Variants in URM1 observed in about 807,000 individuals in gnomAD.
The protein encoded by URM1 is ubiquitin-related modifier 1.
URM1 carries 11 observed loss-of-function variants against 17.7 expected under a neutral mutation model. That is an observed-to-expected ratio of 0.62 (90% CI 0.39 to 1.03). URM1 has a LOEUF of 1.03. URM1 is among the 50% of genes least tolerant of loss of function. The pLI is 0.00. For synonymous variants in URM1, 48 were observed against 50.6 expected (o/e 0.95, Z 0.22); for missense variants, 128 against 129.2 (o/e 0.99, Z 0.04).
chr9:128,379,380 G>A (rs1465876342), intron 2 of URM1, among the ~76,000 whole-genome samples: 1 of 152,122 alleles, frequency 6.6e-6, no homozygotes, highest in Non-Finnish European at 1.5e-5. Flanking sequence ...TTGGGAGGCT[G>A]AAGCAGGAGA....
Position 128,390,056 on chromosome 9 carries a change from A to G in URM1, c.*322A>G. 2.4e-6 allele frequency: 1 copy of G among 408,282 alleles called. No homozygotes were observed. The highest frequency in any genetic ancestry group is 3.6e-5 in the South Asian group (1 of 27,914). The allele number at this position is 408,282 out of a possible 1,614,324, so 25.3% of individuals were successfully genotyped here. A position where few individuals can be genotyped will look rare whatever the true frequency, so the allele number is the denominator to read the frequency against. On this transcript the variant is annotated 3_prime_UTR_variant, in exon 5 of 5. Coordinates refer to ENST00000372853, the MANE Select transcript of URM1 (RefSeq NM_030914.4). The stretch of plus-strand genomic sequence containing the variant: ...GACCTGGCTGCCTTCCACTCCTTGT[A>G]CCTCAGTCTAAACATGGAGTGGCCG...
chr9:128,380,644 T>C (rs1564411134), intron 2 of URM1, among the ~76,000 whole-genome samples: 1 of 150,846 alleles, frequency 6.6e-6, no homozygotes, highest in Non-Finnish European at 1.5e-5. Flanking sequence ...CTTTTCTTTT[T>C]TTTTTTTTTG....
rs1045149831 is a variant in URM1 at position 128,388,754 on chromosome 9, G to A, written c.189-507G>A. 4.1e-6 allele frequency: 4 copies of A among 987,088 alleles called. No individual in the cohort carries two copies. The African/African-American group carries it at 5.2e-5, about 13-fold the overall frequency. The allele number at this position is 987,088 out of a possible 1,614,324, so 61.1% of individuals were successfully genotyped here. A position where few individuals can be genotyped will look rare whatever the true frequency, so the allele number is the denominator to read the frequency against. Reference sequence around the variant, plus strand: ...AGCATTGCCATGTGGCATGGCAACTGATTCGGAAGAGGCAAAACAGCCTTC... The same window carrying A: ...AGCATTGCCATGTGGCATGGCAACTAATTCGGAAGAGGCAAAACAGCCTTC... On this transcript the variant is annotated intron_variant, in intron 3 of 4. Transcript: ENST00000372853.
chr9:128,383,512 A>T (rs1224091182), intron 2 of URM1, among the ~76,000 whole-genome samples: 1 of 152,090 alleles, frequency 6.6e-6, no homozygotes, highest in African/African-American at 2.4e-5. Context: ...GACTTAGGGG[A>T]TCCTTTCTTC....
At chr9:128,385,443 A>G (rs1278837288) in intron 2 of URM1, among the ~76,000 whole-genome samples, 1 of 152,080 alleles carries the variant, frequency 6.6e-6, no homozygotes, top group Non-Finnish European at 1.5e-5. Context: ...TAGCTGCTCA[A>G]TAAATATTTT....
At position 128,387,560 on chromosome 9, in the gene URM1, A is replaced by G. The variant is rs1275938247; in HGVS notation, c.107-256A>G. Among the ~76,000 whole-genome samples the G allele has an allele frequency of 1.3e-5, 2 of 152,172 alleles. No homozygotes were observed. The highest frequency in any genetic ancestry group is 2.1e-4 in the South Asian group (1 of 4,828). ...TGCCTTGAATCCCCCCACTATAGGTAAATCCCATTGCCTCTTCTCCAGGAC... is the reference window on the plus strand; with the variant it reads ...TGCCTTGAATCCCCCCACTATAGGTGAATCCCATTGCCTCTTCTCCAGGAC... On this transcript the variant is annotated intron_variant, in intron 2 of 4. Transcript: ENST00000372853. This position sits in a 1 kb window ranked among gnomAD's most constrained non-coding sequence, Gnocchi z 4.3.
In URM1 at chr9:128,389,822, C is replaced by A; in HGVS notation, c.*88C>A. 26 of 1,562,674 alleles carry A rather than the reference C, an allele frequency of 1.7e-5. No homozygotes were observed. Among genetic ancestry groups the A allele is most frequent in the Non-Finnish European group, 2.3e-5 (26 of 1,145,684 alleles). ...GGCCCTGCTTCCAGGTCTCCCTGTC[C>A]CCCTTGCCTGCCTTCTTCCCTGCTC... is the stretch of plus-strand genomic sequence containing the variant. On this transcript the variant is annotated 3_prime_UTR_variant, in exon 5 of 5. Transcript: ENST00000372853.
At chr9:128,377,774 C>G (rs913688468) in intron 1 of URM1, among the ~76,000 whole-genome samples, 3 of 152,206 alleles carry the variant, frequency 2.0e-5, no homozygotes, top group African/African-American at 7.2e-5. Context: ...ACAGGAAGGT[C>G]TCTTGAACCC....
intron 2 of URM1, among the ~76,000 whole-genome samples, chr9:128,379,685 G>T (rs1165982012): frequency 6.6e-6 from 1 of 151,206 alleles, no homozygotes; most frequent in Non-Finnish European, 1.5e-5. Flanking sequence ...CTGTAATCCC[G>T]GCTACTCTGG....
intron 2 of URM1, among the ~76,000 whole-genome samples, chr9:128,384,327 C>T (rs996585753): frequency 1.3e-5 from 2 of 152,304 alleles, no homozygotes; most frequent in African/African-American, 2.4e-5. Context: ...GCTGTGTGCC[C>T]GGGGGCAGCC....
Position 128,387,376 on chromosome 9 carries a change from G to A in URM1, c.107-440G>A, listed in dbSNP as rs560454385. On this transcript the variant is annotated intron_variant, in intron 2 of 4. Transcript: ENST00000372853. The surrounding 1 kb of genome is among the most constrained non-coding windows in gnomAD (Gnocchi z 4.3). ...TGCAGACCCCTCCAAGAGCAAAGCCGAATCCTCCCCATCTGCGACTGGCTG... is the reference window on the plus strand; with the variant it reads ...TGCAGACCCCTCCAAGAGCAAAGCCAAATCCTCCCCATCTGCGACTGGCTG... Among the ~76,000 whole-genome samples the A allele has an allele frequency of 2.0e-5, 3 of 152,340 alleles. No individual in the cohort carries two copies. Among genetic ancestry groups the A allele is most frequent in the East Asian group, 1.9e-4 (1 of 5,190 alleles).
intron 4 of URM1, 145 bp downstream of exon 4, chr9:128,389,454 C>T: frequency 1.9e-6 from 3 of 1,574,416 alleles, no homozygotes; most frequent in South Asian, 1.1e-5. Flanking sequence ...GCTGGAGTCT[C>T]CCACTCCAGG....
chr9:128,372,598 A>T (rs1397995229), intron 1 of URM1, among the ~76,000 whole-genome samples: 1 of 152,140 alleles, frequency 6.6e-6, no homozygotes, highest in Non-Finnish European at 1.5e-5. Flanking sequence ...AGTGCATTTT[A>T]ATTGATATTG....
intron 1 of URM1, 105 bp downstream of exon 1, chr9:128,371,520 C>T: frequency 8.4e-7 from 1 of 1,192,250 alleles, no homozygotes. Context: ...ACTGGGTGTC[C>T]CAGTGCCCGC....
chr9:128,389,905 T>A lies in URM1; in HGVS notation c.*171T>A. ...AGGCCAGGTGCTAAAAATGAGCCTT[T>A]CTCAAGCACGTGAGCAGCGGAAGGC... On this transcript the variant is annotated 3_prime_UTR_variant, in exon 5 of 5. Coordinates refer to ENST00000372853, the MANE Select transcript of URM1 (RefSeq NM_030914.4). The A allele has an allele frequency of 1.1e-6, 1 of 870,674 alleles. No individual in the cohort carries two copies. Among genetic ancestry groups the A allele is most frequent in the Non-Finnish European group, 1.7e-6 (1 of 583,434 alleles). 53.9% of individuals were successfully genotyped at this position (870,674 alleles called of 1,614,324 possible). A position where few individuals can be genotyped will look rare whatever the true frequency, so the allele number is the denominator to read the frequency against.
At chr9:128,375,180 T>C (rs12336995) in intron 1 of URM1, among the ~76,000 whole-genome samples, 3,643 of 152,298 alleles carry the variant, frequency 0.024, 66 homozygotes, top group South Asian at 0.055. Context: ...TGAAATGAGA[T>C]GAGGAACATC....
chr9:128,387,714 TCTAAAC>T lies in URM1; in HGVS notation c.107-101_107-96del. ...TCACAGCCTGGTCTAAAAGAAGCCC[TCTAAAC>T]ACCGTGTGTATTTCCTTGTGGGCCA... On this transcript the variant is annotated intron_variant, in intron 2 of 4. Coordinates refer to ENST00000372853, the MANE Select transcript of URM1 (RefSeq NM_030914.4). This position sits in a 1 kb window ranked among gnomAD's most constrained non-coding sequence, Gnocchi z 4.3. 1 of 1,575,852 alleles carries T rather than the reference TCTAAAC, an allele frequency of 6.3e-7. No individual in the cohort carries two copies. The highest frequency in any genetic ancestry group is 8.6e-7 in the Non-Finnish European group (1 of 1,159,434).
Position 128,387,697 on chromosome 9 carries a change from TG to T in URM1, c.107-117del. On this transcript the variant is annotated intron_variant, in intron 2 of 4. Transcript: ENST00000372853. The surrounding 1 kb of genome is among the most constrained non-coding windows in gnomAD (Gnocchi z 4.3). The stretch of plus-strand genomic sequence containing the variant: ...TACAAGTTCATGGGCTATCACAGCC[TG>T]GTCTAAAAGAAGCCCTCTAAACACC... 1 of 1,513,148 alleles carries T rather than the reference TG, an allele frequency of 6.6e-7. No individual in the cohort carries two copies. The highest frequency in any genetic ancestry group is 1.2e-5 in the South Asian group (1 of 80,710). 93.7% of individuals were successfully genotyped at this position (1,513,148 alleles called of 1,614,324 possible).
Position 128,380,776 on chromosome 9 carries a change from C to T in URM1, c.106+2670C>T, listed in dbSNP as rs138603259. Among the ~76,000 whole-genome samples the T allele has an allele frequency of 7.4e-3, 1,119 of 152,072 alleles. 16 individuals carry two copies. Among genetic ancestry groups the T allele is most frequent in the African/African-American group, 0.026 (1,069 of 41,482 alleles). On this transcript the variant is annotated intron_variant, in intron 2 of 4. Coordinates refer to ENST00000372853, the MANE Select transcript of URM1 (RefSeq NM_030914.4). Reference sequence around the variant, plus strand: ...TCAGCCTCCCAAGTAGCTGGGATTACAGGCAGGCACCACAACACCTGGCTA... The same window carrying T: ...TCAGCCTCCCAAGTAGCTGGGATTATAGGCAGGCACCACAACACCTGGCTA...
Sources: allele counts gnomAD v4.1 joint callset (sites outside exome capture counted in the v4.1 genomes callset), GRCh38; gene constraint gnomAD v4.1.1; non-coding constraint Gnocchi (gnomAD v3.1); transcripts MANE v1.5; gene names NCBI Gene and HGNC (gene_info 2026-07-23, HGNC 2026-07-21).